CNNM1: variants seen among roughly 807,000 people sequenced by gnomAD.
CNNM1 encodes metal transporter CNNM1.
In CNNM1, 44 loss-of-function variants were observed where a neutral mutation model predicts 78.8. The observed-to-expected ratio is 0.56, with a 90% CI of 0.44 to 0.72. The LOEUF (loss-of-function observed/expected upper bound fraction) is 0.72, where lower values mean the gene tolerates loss of function less well. CNNM1 is among the 30% of genes least tolerant of loss of function. The pLI is 0.00. For synonymous variants in CNNM1, 584 were observed against 581.5 expected, an observed-to-expected ratio of 1.00 and a Z score of -0.06; for missense variants, 1,101 against 1,292.2, an observed-to-expected ratio of 0.85 and a Z score of 2.27.
chr10:99,330,570 G>A lies in CNNM1; in HGVS notation c.1183G>A (p.Glu395Lys), dbSNP rs769634794. The change falls in exon 1 of 11, where the codon GAG becomes AAG. Residue 395 changes from glutamate to lysine, a missense_variant. This residue lies in a region of CNNM1 where 277 missense variants were observed against 423.2 expected (regional missense o/e 0.65). Coordinates refer to ENST00000356713, the MANE Select transcript of CNNM1 (RefSeq NM_020348.3). ...GGAGATAAGCACCTTCTACACGCGGGAGAAGTTGCTGGAGACGTTGCGGGC... is the reference window on the plus strand; with the variant it reads ...GGAGATAAGCACCTTCTACACGCGGAAGAAGTTGCTGGAGACGTTGCGGGC... Reference protein sequence around the residue: ...RQEISTFYTREKLLETLRAAD... With the variant: ...RQEISTFYTRKKLLETLRAAD... 3.1e-6 allele frequency: 5 copies of A among 1,608,728 alleles called. No homozygotes were observed. Among genetic ancestry groups the A allele is most frequent in the African/African-American group, 1.3e-5 (1 of 74,826 alleles).
intron 1 of CNNM1, among the ~76,000 whole-genome samples, chr10:99,351,704 T>C (rs1309593248): frequency 1.3e-5 from 2 of 152,164 alleles, no homozygotes; most frequent in African/African-American, 4.8e-5. Context: ...CCTTCTCCCC[T>C]ATTTCTTGTC....
Position 99,391,683 on chromosome 10 carries a change from T to C in CNNM1, c.*167T>C, listed in dbSNP as rs1376934576. ...GTCAGTTTGGCAGATTTTCCCTCGTTACCTCCAGTTCGACTCAGAACCTTG... is the reference window on the plus strand; with the variant it reads ...GTCAGTTTGGCAGATTTTCCCTCGTCACCTCCAGTTCGACTCAGAACCTTG... On this transcript the variant is annotated 3_prime_UTR_variant, in exon 11 of 11. Coordinates refer to ENST00000356713, the MANE Select transcript of CNNM1 (RefSeq NM_020348.3). 1 of 601,058 alleles carries C rather than the reference T, an allele frequency of 1.7e-6. No individual in the cohort carries two copies. The highest frequency in any genetic ancestry group is 3.0e-6 in the Non-Finnish European group (1 of 338,212). The allele number at this position is 601,058 out of a possible 1,614,324, so 37.2% of individuals were successfully genotyped here. A position where few individuals can be genotyped will look rare whatever the true frequency, so the allele number is the denominator to read the frequency against.
intron 1 of CNNM1, among the ~76,000 whole-genome samples, chr10:99,346,699 C>T (rs1281993363): frequency 3.9e-5 from 6 of 152,220 alleles, no homozygotes; most frequent in Non-Finnish European, 7.4e-5. Flanking sequence ...TTGCCAAACA[C>T]ACTCCTTAAG....
At chr10:99,368,015 T>G (rs1169443011) in intron 6 of CNNM1, among the ~76,000 whole-genome samples, 1 of 152,244 alleles carries the variant, frequency 6.6e-6, no homozygotes, top group African/African-American at 2.4e-5. Flanking sequence ...TTTGATTTAA[T>G]TCATCAAGTT....
chr10:99,329,734 G>C lies in CNNM1; in HGVS notation c.347G>C (p.Gly116Ala), dbSNP rs1408611160. The change falls in exon 1 of 11, where the codon GGC becomes GCC. Residue 116 changes from glycine to alanine, a missense_variant. Transcript: ENST00000356713. ...TTCATCGAGGAGCCCCCGGGCGGTG[G>C]CGGCGTGGCCCCCAGCGCGGTCCCC... ...LVFIEEPPGG[G>A]GVAPSAVPTR... 13 of 1,512,812 alleles carry C rather than the reference G, an allele frequency of 8.6e-6. No individual in the cohort carries two copies. The highest frequency in any genetic ancestry group is 1.1e-5 in the Non-Finnish European group (13 of 1,140,260). 93.7% of individuals were successfully genotyped at this position (1,512,812 alleles called of 1,614,324 possible). A position where few individuals can be genotyped will look rare whatever the true frequency, so the allele number is the denominator to read the frequency against.
intron 6 of CNNM1, among the ~76,000 whole-genome samples, chr10:99,372,983 C>T (rs2031852762): frequency 6.6e-6 from 1 of 151,790 alleles, no homozygotes; most frequent in Non-Finnish European, 1.5e-5. Flanking sequence ...CATGTTTTTC[C>T]TCCTCCCAGC....
At chr10:99,366,599 T>C (rs917593158) in intron 6 of CNNM1, among the ~76,000 whole-genome samples, 3 of 151,954 alleles carry the variant, frequency 2.0e-5, no homozygotes, top group Non-Finnish European at 2.9e-5. Flanking sequence ...CTGGCCAACA[T>C]GGTGAAACCT....
rs752691683 is a variant in CNNM1 at position 99,391,442 on chromosome 10, C to T, written c.2782C>T (p.Gln928Ter). 1.2e-6 allele frequency: 2 copies of T among 1,613,020 alleles called. No homozygotes were observed. The highest frequency in any genetic ancestry group is 1.7e-6 in the Non-Finnish European group (2 of 1,179,534). The change falls in exon 11 of 11, where the codon CAA becomes TAA. Residue 928 changes from glutamine to a stop codon, truncating the protein, a stop_gained. Transcript: ENST00000356713. LOFTEE classifies it high-confidence loss of function. ...TTGCAACTTGTTTTTTTCAGGTGGC[C>T]AAAAAAGGAAGAGGTCACCAGAAGG... is the stretch of plus-strand genomic sequence containing the variant. ...GKKLLRTLSGQKRKRSPEGER... is the reference protein window; with the variant it reads ...GKKLLRTLSG
In CNNM1 at chr10:99,365,015, C is replaced by CA; in HGVS notation, c.2176+16dup. The CA allele has an allele frequency of 6.2e-7, 1 of 1,613,770 alleles. No individual in the cohort carries two copies. On this transcript the variant is annotated intron_variant, in intron 6 of 10. Transcript: ENST00000356713. Reference sequence around the variant, plus strand: ...TCTTCTGTCTTTCGTATGTATCTCTCAAACCCCTTCCTCGTCCTCCCCATC... The same window carrying CA: ...TCTTCTGTCTTTCGTATGTATCTCTCAAAACCCCTTCCTCGTCCTCCCCATC...
intron 9 of CNNM1, 63 bp from the exon 10 acceptor site, chr10:99,390,243 C>A: frequency 8.5e-7 from 1 of 1,176,424 alleles, no homozygotes; most frequent in Non-Finnish European, 1.2e-6. Context: ...CTCAGAATCA[C>A]CCTCTCTTGA....
intron 4 of CNNM1, among the ~76,000 whole-genome samples, chr10:99,363,497 C>A (rs928769188): frequency 2.0e-5 from 3 of 152,152 alleles, no homozygotes; most frequent in East Asian, 1.9e-4. Context: ...CTTTAAAATT[C>A]CATTGTTGCC....
At chr10:99,354,726 G>A (rs10786539) in intron 1 of CNNM1, among the ~76,000 whole-genome samples, 106,094 of 151,940 alleles carry the variant, frequency 0.7, 37,313 homozygotes, top group East Asian at 0.78. Flanking sequence ...GATGGCAGCA[G>A]TGGGGAAGAG....
At chr10:99,339,705 G>A (rs1321648055) in intron 1 of CNNM1, among the ~76,000 whole-genome samples, 1 of 152,154 alleles carries the variant, frequency 6.6e-6, no homozygotes, top group African/African-American at 2.4e-5. Context: ...GTGCCAGAAA[G>A]GTTGGGGACC....
intron 6 of CNNM1, chr10:99,368,776 T>A (rs1157125732): frequency 6.2e-6 from 5 of 808,970 alleles, no homozygotes; most frequent in African/African-American, 3.5e-5. Flanking sequence ...AACTAATCAC[T>A]CCAACAGGCA....
chr10:99,365,341 C>A (rs2031579466), intron 6 of CNNM1, among the ~76,000 whole-genome samples: 1 of 152,238 alleles, frequency 6.6e-6, no homozygotes, highest in East Asian at 1.9e-4. Context: ...TCCTTCTGTG[C>A]AATAACAATT....
intron 7 of CNNM1, among the ~76,000 whole-genome samples, chr10:99,384,358 A>C (rs866039205): frequency 1.3e-5 from 2 of 151,956 alleles, no homozygotes; most frequent in Non-Finnish European, 2.9e-5. Context: ...AATTTTTTTT[A>C]AAAAGAGAGC....
chr10:99,343,441 G>T (rs1465276415), intron 1 of CNNM1, among the ~76,000 whole-genome samples: 1 of 152,110 alleles, frequency 6.6e-6, no homozygotes, highest in Non-Finnish European at 1.5e-5. Context: ...GTAATTCATT[G>T]TGTGCCCACC....
intron 7 of CNNM1, among the ~76,000 whole-genome samples, chr10:99,380,370 G>A (rs1315078514): frequency 6.6e-6 from 1 of 152,142 alleles, no homozygotes; most frequent in Non-Finnish European, 1.5e-5. Context: ...GAAGAGTCAT[G>A]TTCAATGGGC....
At chr10:99,389,871 G>A (rs947229027) in intron 9 of CNNM1, among the ~76,000 whole-genome samples, 3 of 152,128 alleles carry the variant, frequency 2.0e-5, no homozygotes, top group African/African-American at 4.8e-5. Flanking sequence ...TGAGTCCTGC[G>A]GGAGAAGACA....
Sources: gnomAD v4.1 joint callset for allele counts (sites outside exome capture counted in the v4.1 genomes callset) on GRCh38, gnomAD v4.1.1 for gene constraint, gnomAD v4.1.1 regional missense constraint, MANE v1.5 for transcripts, NCBI Gene and HGNC (gene_info 2026-07-23, HGNC 2026-07-21) for gene names.